Variants in FOXM1 observed in about 807,000 individuals in gnomAD.
The protein encoded by FOXM1 is forkhead box M1.
Under a neutral mutation model 63.6 loss-of-function variants are expected in FOXM1, and 25 were observed. That is an observed-to-expected ratio of 0.39 (90% confidence interval 0.29 to 0.55). The LOEUF (loss-of-function observed/expected upper bound fraction) is 0.55. FOXM1 is among the 20% of genes least tolerant of loss of function. The probability of loss-of-function intolerance (pLI) is 0.60; values close to 1 mark genes in which losing one functional copy is unlikely to be tolerated. For synonymous variants in FOXM1, 387 were observed against 376.9 expected (o/e 1.03, Z -0.31); for missense variants, 879 against 958.7 (o/e 0.92, Z 1.10).
At chr12:2,863,315 G>A (rs534829938) in intron 8 of FOXM1, among the ~76,000 whole-genome samples, 1 of 152,140 alleles carries the variant, frequency 6.6e-6, no homozygotes, top group Non-Finnish European at 1.5e-5. Context: ...TGCCAGGTAC[G>A]AACTGCATTT....
In FOXM1 at chr12:2,858,592, T is replaced by A. The variant is rs2098097303; in HGVS notation, c.*46A>T. 6.4e-7 allele frequency: 1 copy of A among 1,551,178 alleles called. No homozygotes were observed. The highest frequency in any genetic ancestry group is 8.8e-7 in the Non-Finnish European group (1 of 1,139,408). On this transcript the variant is annotated 3_prime_UTR_variant, in exon 9 of 9. Coordinates refer to ENST00000359843, the MANE Select transcript of FOXM1 (RefSeq NM_021953.4). ...GCTTGGGGTGCACTGAGCCTTGGAG[T>A]GCCCGGGATGGTGGACAGCTTGAGC...
At position 2,864,442 on chromosome 12, in the gene FOXM1, GGATAGGTACCA is replaced by G; in HGVS notation, c.1133_1143del (p.Leu378ProfsTer33). 1 of 1,614,166 alleles carries G rather than the reference GGATAGGTACCA, an allele frequency of 6.2e-7. No homozygotes were observed. Among genetic ancestry groups the G allele is most frequent in the Non-Finnish European group, 8.5e-7 (1 of 1,180,006 alleles). On this transcript the variant is annotated frameshift_variant, in exon 8 of 9. Transcript: ENST00000359843. LOFTEE classifies it high-confidence loss of function. This position sits in a 1 kb window ranked among gnomAD's most constrained non-coding sequence, Gnocchi z 5.1. The stretch of plus-strand genomic sequence containing the variant: ...ACCAGTGACTGGTTCACCGGGAACT[GGATAGGTACCA>G]GGTATGAGCTGACCCGTGGTAGCAG...
At chr12:2,873,837 C>T in intron 2 of FOXM1, 140 bp downstream of exon 2, 1 of 972,338 alleles carries the variant, frequency 1.0e-6, no homozygotes, top group South Asian at 1.7e-5. Context: ...CTCAGCCTCC[C>T]AAAGTGCTGG....
chr12:2,863,716 C>CTT (rs796609540), intron 8 of FOXM1: 3 of 137,754 alleles, frequency 2.2e-5, no homozygotes, highest in Admixed American at 7.3e-5. Flanking sequence ...TCTTTCTTTT[C>CTT]TTTTTTTTTT....
Position 2,858,950 on chromosome 12 carries a change from G to A in FOXM1, c.1980C>T (p.Ser660=), listed in dbSNP as rs751184218. The change falls in exon 9 of 9, where the codon AGC becomes AGT. Residue 660 remains serine (S), a synonymous_variant. Transcript: ENST00000359843. ...LPDPLGLMDL[S]TTPLQSAPPL... ...GGGGAGCACTTTGCAAGGGAGTGGTGCTGAGATCCATCAGCCCCAGGGGGT... is the reference window on the plus strand; with the variant it reads ...GGGGAGCACTTTGCAAGGGAGTGGTACTGAGATCCATCAGCCCCAGGGGGT... The A allele has an allele frequency of 3.7e-6, 6 of 1,613,640 alleles. No homozygotes were observed. The highest frequency in any genetic ancestry group is 5.1e-6 in the Non-Finnish European group (6 of 1,179,962).
chr12:2,862,777 A>G (rs2098116382), intron 8 of FOXM1, among the ~76,000 whole-genome samples: 1 of 151,910 alleles, frequency 6.6e-6, no homozygotes, highest in African/African-American at 2.4e-5. Flanking sequence ...CCTGGCCTCA[A>G]GTGATCCTCC....
chr12:2,873,352 T>C (rs1251590860), intron 2 of FOXM1, among the ~76,000 whole-genome samples: 1 of 145,716 alleles, frequency 6.9e-6, no homozygotes, highest in Non-Finnish European at 1.5e-5. Flanking sequence ...TGAGCTGAGA[T>C]TGCACCACTG....
At position 2,868,855 on chromosome 12, in the gene FOXM1, C is replaced by T. The variant is rs574767013; in HGVS notation, c.655-101G>A. The T allele has an allele frequency of 6.6e-5, 60 of 906,382 alleles. No homozygotes were observed. The East Asian group carries it at 1.1e-3, about 17-fold the overall frequency. 56.1% of individuals were successfully genotyped at this position (906,382 alleles called of 1,614,324 possible). ...CTAGAGAAACCTTTATCCCATAGGACGGTCTAGAAACAAACTCATCTGAGA... is the reference window on the plus strand; with the variant it reads ...CTAGAGAAACCTTTATCCCATAGGATGGTCTAGAAACAAACTCATCTGAGA... On this transcript the variant is annotated intron_variant, in intron 3 of 8. Coordinates refer to ENST00000359843, the MANE Select transcript of FOXM1 (RefSeq NM_021953.4).
In FOXM1 at chr12:2,864,770, G is replaced by C; in HGVS notation, c.1021-18C>G. ...TTCTGCTGCTGCTTGTGGCAGATGG[G>C]GAGAGAAAGAAACCTATGTTAACAC... On this transcript the variant is annotated intron_variant, in intron 6 of 8. Transcript: ENST00000359843. The surrounding 1 kb of genome is among the most constrained non-coding windows in gnomAD (Gnocchi z 5.1). The C allele has an allele frequency of 6.2e-6, 10 of 1,613,934 alleles. No homozygotes were observed. Among genetic ancestry groups the C allele is most frequent in the Non-Finnish European group, 8.5e-6 (10 of 1,179,836 alleles).
At position 2,859,379 on chromosome 12, in the gene FOXM1, G is replaced by A. The variant is rs746339139; in HGVS notation, c.1551C>T (p.Tyr517=). 2 of 1,613,970 alleles carry A rather than the reference G, an allele frequency of 1.2e-6. No individual in the cohort carries two copies. Among genetic ancestry groups the A allele is most frequent in the South Asian group, 2.2e-5 (2 of 91,076 alleles). The change falls in exon 9 of 9, where the codon TAC becomes TAT. Residue 517 remains tyrosine (Y), a synonymous_variant. Transcript: ENST00000359843. ...QSPTPRPKKS[Y]SGLRSPTRCV... ...ACCGGGTTGGGGACCTAAGCCCACT[G>A]TAGGACTTCTTGGGTCTTGGGGTGG... is the stretch of plus-strand genomic sequence containing the variant.
At position 2,859,361 on chromosome 12, in the gene FOXM1, TG is replaced by T; in HGVS notation, c.1568del (p.Pro523GlnfsTer10). 2 of 1,613,764 alleles carry T rather than the reference TG, an allele frequency of 1.2e-6. No homozygotes were observed. The highest frequency in any genetic ancestry group is 8.5e-7 in the Non-Finnish European group (1 of 1,179,994). Reference sequence around the variant, plus strand: ...CAAGCATTTCCGAGACACACCGGGTTGGGGACCTAAGCCCACTGTAGGACTT... The same window carrying T: ...CAAGCATTTCCGAGACACACCGGGTTGGGACCTAAGCCCACTGTAGGACTT... ...PKKSYSGLRSPTRCVSEMLVI... is the reference protein window; with the variant it reads ...PKKSYSGLRSXTRCVSEMLVI... On this transcript the variant is annotated frameshift_variant, in exon 9 of 9. Coordinates refer to ENST00000359843, the MANE Select transcript of FOXM1 (RefSeq NM_021953.4). LOFTEE classifies it high-confidence loss of function.
intron 3 of FOXM1, among the ~76,000 whole-genome samples, chr12:2,869,027 A>C (rs141821643): frequency 2.0e-4 from 31 of 152,330 alleles, no homozygotes; most frequent in Admixed American, 8.5e-4. Context: ...GAAATTTCTT[A>C]GGAAAGTTTG....
In FOXM1 at chr12:2,859,459, C is replaced by T; in HGVS notation, c.1471G>A (p.Ala491Thr). The change falls in exon 9 of 9, where the codon GCC becomes ACC. Residue 491 changes from alanine (A) to threonine (T), a missense_variant. Ala to Thr is a moderately conservative substitution (Grantham distance 58). Transcript: ENST00000359843. The part of the protein sequence containing the change: ...SPPLEEWPSP[A>T]PSFKEESSHS... ...GATGATTCCTCTTTGAAAGATGGGG[C>T]CGGGGAGGGCCACTCTTCCAAGGGA... 1 of 1,613,886 alleles carries T rather than the reference C, an allele frequency of 6.2e-7. No homozygotes were observed. Among genetic ancestry groups the T allele is most frequent in the Middle Eastern group, 1.6e-4 (1 of 6,062 alleles).
intron 3 of FOXM1, among the ~76,000 whole-genome samples, chr12:2,870,288 T>C (rs1260628011): frequency 6.6e-6 from 1 of 152,188 alleles, no homozygotes; most frequent in East Asian, 1.9e-4. Context: ...ATTTTCACTT[T>C]TAAAGATTGT....
In FOXM1 at chr12:2,874,700, AAAG is replaced by A. The variant is rs2098139126; in HGVS notation, c.-47-178_-47-176del. ...AATAAGGAGATAAGCTTTACTGACA[AAAG>A]AAGGCTAAAATTACAGCAGACAGAA... On this transcript the variant is annotated intron_variant, in intron 1 of 8. Coordinates refer to ENST00000359843, the MANE Select transcript of FOXM1 (RefSeq NM_021953.4). The surrounding 1 kb of genome is among the most constrained non-coding windows in gnomAD (Gnocchi z 4.3). 6.6e-6 allele frequency among the ~76,000 whole-genome samples: 1 copy of A among 152,194 alleles called. No homozygotes were observed. The highest frequency in any genetic ancestry group is 1.5e-5 in the Non-Finnish European group (1 of 68,040).
Position 2,859,508 on chromosome 12 carries a change from C to T in FOXM1, c.1422G>A (p.Ala474=), listed in dbSNP as rs775974659. 26 of 1,613,868 alleles carry T rather than the reference C, an allele frequency of 1.6e-5. No homozygotes were observed. The African/African-American group carries it at 2.8e-4, about 17-fold the overall frequency. The change falls in exon 9 of 9, where the codon GCG becomes GCA. Residue 474 remains alanine, a synonymous_variant. Transcript: ENST00000359843. ...IQPGEEMPHL[A]RPIKVESPPL... ...GAGGGCTCTCCACTTTGATGGGTCT[C>T]GCTAAGTGTGGCATTTCCTCCCCAG...
Position 2,868,516 on chromosome 12 carries a change from TG to T in FOXM1, c.846+46del, listed in dbSNP as rs1323827768. 3.4e-6 allele frequency: 5 copies of T among 1,480,074 alleles called. No homozygotes were observed. The African/African-American group carries it at 6.9e-5, about 20-fold the overall frequency. 91.7% of individuals were successfully genotyped at this position (1,480,074 alleles called of 1,614,324 possible). On this transcript the variant is annotated intron_variant, in intron 4 of 8. Transcript: ENST00000359843. ...AGTTGCAGTACAGCACTGGAGAGAC[TG>T]TCAGGCTGGGCTGACCTTGATTTTG... is the stretch of plus-strand genomic sequence containing the variant.
intron 1 of FOXM1, among the ~76,000 whole-genome samples, 196 bp downstream of exon 1, chr12:2,876,724 A>C (rs933736150): frequency 6.6e-6 from 1 of 152,124 alleles, no homozygotes; most frequent in East Asian, 1.9e-4. Flanking sequence ...GGGGCGCTTT[A>C]AGCAGTGAGA....
rs1565482972 is a variant in FOXM1 at position 2,876,957 on chromosome 12, T to A, written c.-85A>T. On this transcript the variant is annotated 5_prime_UTR_variant, in exon 1 of 9. Transcript: ENST00000359843. The stretch of plus-strand genomic sequence containing the variant: ...GTCGCCGCCGCCGTTAGGCCGTAGC[T>A]CCGAAGGCGGGCTCCGGGCTCCTCC... The A allele has an allele frequency of 6.6e-6, 1 of 151,922 alleles. No homozygotes were observed. Among genetic ancestry groups the A allele is most frequent in the Admixed American group, 6.6e-5 (1 of 15,264 alleles). The allele number at this position is 151,922 out of a possible 1,614,324, so 9.4% of individuals were successfully genotyped here.
Sources: allele counts gnomAD v4.1 joint callset (sites outside exome capture counted in the v4.1 genomes callset), GRCh38; gene constraint gnomAD v4.1.1; non-coding constraint Gnocchi (gnomAD v3.1); transcripts MANE v1.5; gene names NCBI Gene and HGNC (gene_info 2026-07-23, HGNC 2026-07-21).